Variants in MAEA observed in about 807,000 individuals in gnomAD.
MAEA encodes the protein macrophage erythroblast attacher, E3 ubiquitin ligase, also known as E3 ubiquitin-protein transferase MAEA.
In MAEA, 22 loss-of-function variants were observed where a neutral mutation model predicts 46.2. The ratio of observed to expected loss-of-function variants is 0.48; its 90% CI spans 0.34 to 0.68. MAEA has a LOEUF of 0.68. MAEA is among the 30% of genes least tolerant of loss of function. The pLI is 0.01. For missense variants in MAEA, 393 were observed against 558.1 expected, an observed-to-expected ratio of 0.70 and a Z score of 2.98; for synonymous variants, 246 against 222.6, an observed-to-expected ratio of 1.11 and a Z score of -0.94.
intron 1 of MAEA, among the ~76,000 whole-genome samples, chr4:1,295,241 G>A (rs1734521185): frequency 1.3e-5 from 2 of 152,124 alleles, no homozygotes; most frequent in African/African-American, 4.8e-5. Flanking sequence ...CCCAGGCATC[G>A]CAAAGCACAC....
intron 3 of MAEA, among the ~76,000 whole-genome samples, chr4:1,317,802 G>A (rs1434569407): frequency 6.6e-6 from 1 of 152,216 alleles, no homozygotes; most frequent in Non-Finnish European, 1.5e-5. Flanking sequence ...CGGGGCTGGT[G>A]CCCCTGGGTG....
rs548300956 is a variant in MAEA at position 1,291,036 on chromosome 4, G to T, written c.69+1054G>T. Among the ~76,000 whole-genome samples, 4 of 152,346 alleles carry T rather than the reference G, an allele frequency of 2.6e-5. No individual in the cohort carries two copies. In the East Asian group the frequency reaches 7.7e-4, roughly 29 times the overall value. ...GAGTGACCACGTATTGTTTCAAACA[G>T]TGCCTAGCATTCATTAAAAGGTCCC... On this transcript the variant is annotated intron_variant, in intron 1 of 8. Coordinates refer to ENST00000303400, the MANE Select transcript of MAEA (RefSeq NM_001017405.3).
chr4:1,293,736 G>C (rs1052905108), intron 1 of MAEA, among the ~76,000 whole-genome samples: 1 of 152,196 alleles, frequency 6.6e-6, no homozygotes, highest in African/African-American at 2.4e-5. Flanking sequence ...GAGAAACACC[G>C]GGCTTGTGGT....
chr4:1,330,299 C>T (rs1711520145), intron 5 of MAEA: 2 of 164,110 alleles, frequency 1.2e-5, no homozygotes, highest in African/African-American at 7.5e-5. Context: ...GGAATTTTGT[C>T]TTCTGGGTGT....
At chr4:1,328,832 C>T in intron 5 of MAEA, 1 of 1,045,838 alleles carries the variant, frequency 9.6e-7, no homozygotes. Context: ...CAGGCCTCGT[C>T]TTCACGCACG....
In MAEA at chr4:1,329,941, C is replaced by T. The variant is rs73793369; in HGVS notation, c.656+2238C>T. On this transcript the variant is annotated intron_variant, in intron 5 of 8. Coordinates refer to ENST00000303400, the MANE Select transcript of MAEA (RefSeq NM_001017405.3). ...CACGGTCCACATGGCGCTGGAGCGT[C>T]GGGCACCATCTACAGGGCTTGAGGC... 1.4e-3 allele frequency: 1,424 copies of T among 985,446 alleles called. 19 individuals are homozygous for T. The African/African-American group carries it at 0.022, about 15-fold the overall frequency. 61.0% of individuals were successfully genotyped at this position (985,446 alleles called of 1,614,324 possible).
Position 1,311,924 on chromosome 4 carries a change from C to A in MAEA, c.70-55C>A. On this transcript the variant is annotated intron_variant, in intron 1 of 8. Transcript: ENST00000303400. The surrounding 1 kb of genome is among the most constrained non-coding windows in gnomAD (Gnocchi z 4.4). ...GACCTGGTGTGTCCTGGGTGTGGGG[C>A]TGGTGGGGCTCACACCAGGGGAGCA... The A allele has an allele frequency of 6.6e-7, 1 of 1,520,994 alleles. No individual in the cohort carries two copies. The highest frequency in any genetic ancestry group is 9.0e-7 in the Non-Finnish European group (1 of 1,110,572). The allele number at this position is 1,520,994 out of a possible 1,614,324, so 94.2% of individuals were successfully genotyped here.
chr4:1,314,699 A>G (rs1736915565), intron 2 of MAEA, among the ~76,000 whole-genome samples: 1 of 152,244 alleles, frequency 6.6e-6, no homozygotes, highest in Non-Finnish European at 1.5e-5. Context: ...GTGGAACTGA[A>G]GAAAACAGAG....
chr4:1,303,429 CGAT>C (rs1441949324), intron 1 of MAEA, among the ~76,000 whole-genome samples: 1 of 149,126 alleles, frequency 6.7e-6, no homozygotes, highest in African/African-American at 2.5e-5. Context: ...ATGTCCTTCT[CGAT>C]AGCAGCCAAA....
chr4:1,332,847 G>C lies in MAEA; in HGVS notation c.747G>C (p.Thr249=). The C allele has an allele frequency of 6.2e-7, 1 of 1,612,746 alleles. No homozygotes were observed. The highest frequency in any genetic ancestry group is 8.5e-7 in the Non-Finnish European group (1 of 1,179,560). Reference sequence around the variant, plus strand: ...GCATGCTGGCCTTCCCGCCCGACACGCACATCTCCCCGTACAAGGTAGGGC... The same window carrying C: ...GCATGCTGGCCTTCCCGCCCGACACCCACATCTCCCCGTACAAGGTAGGGC... ...AMGMLAFPPD[T]HISPYKDLLD... Residue 249 remains threonine (T), a synonymous_variant, in exon 6 of 9, where the codon ACG becomes ACC. Transcript: ENST00000303400.
chr4:1,328,663 G>A (rs1418399915), intron 5 of MAEA: 2 of 1,279,314 alleles, frequency 1.6e-6, no homozygotes, highest in African/African-American at 3.1e-5. Context: ...TTCCACAGAA[G>A]GCCCATTTGG....
intron 1 of MAEA, among the ~76,000 whole-genome samples, chr4:1,296,872 C>T (rs1734785305): frequency 6.6e-6 from 1 of 152,146 alleles, no homozygotes; most frequent in Non-Finnish European, 1.5e-5. Flanking sequence ...CCCCTCGCTG[C>T]ATGTCCTCAC....
intron 2 of MAEA, among the ~76,000 whole-genome samples, chr4:1,313,022 G>T (rs1166860065): frequency 6.6e-6 from 1 of 152,216 alleles, no homozygotes; most frequent in African/African-American, 2.4e-5. Context: ...CCAAGCCTTG[G>T]AAAGTGGGGC....
chr4:1,313,300 A>C (rs1236736960), intron 2 of MAEA, among the ~76,000 whole-genome samples: 1 of 152,234 alleles, frequency 6.6e-6, no homozygotes, highest in Non-Finnish European at 1.5e-5. Context: ...AACGTCCAGC[A>C]CAGAGACAGC....
intron 4 of MAEA, among the ~76,000 whole-genome samples, chr4:1,327,135 C>G (rs1291484065): frequency 2.0e-5 from 3 of 152,382 alleles, no homozygotes; most frequent in African/African-American, 7.2e-5. Flanking sequence ...AGGACTTGCC[C>G]ACGTTCTCCC....
rs923475348 is a variant in MAEA, at chr4:1,315,656, A to G, written c.456+56A>G. The G allele has an allele frequency of 4.4e-6, 7 of 1,576,102 alleles. No individual in the cohort carries two copies. In the African/African-American group the frequency reaches 8.1e-5, roughly 18 times the overall value. ...CCCAGCTGGCCCCAGGCCTATGGCC[A>G]GCCGCCCTGTGGCATGTCCCCCGGC... On this transcript the variant is annotated intron_variant, in intron 3 of 8. Coordinates refer to ENST00000303400, the MANE Select transcript of MAEA (RefSeq NM_001017405.3).
chr4:1,332,768 A>G lies in MAEA; in HGVS notation c.668A>G (p.Lys223Arg), dbSNP rs1433932118. 1 of 1,611,744 alleles carries G rather than the reference A, an allele frequency of 6.2e-7. No homozygotes were observed. The highest frequency in any genetic ancestry group is 1.3e-5 in the African/African-American group (1 of 74,992). ...KRLDAVRHAR[K>R]HFSQAEGSQL... ...ATGTTGTTTTTTAGACATGCAAGAAAGCACTTCAGCCAAGCAGAAGGGAGC... is the reference window on the plus strand; with the variant it reads ...ATGTTGTTTTTTAGACATGCAAGAAGGCACTTCAGCCAAGCAGAAGGGAGC... The change falls in exon 6 of 9, where the codon AAG (lysine) becomes AGG (arginine). Residue 223 changes from lysine to arginine, a missense_variant. Coordinates refer to ENST00000303400, the MANE Select transcript of MAEA (RefSeq NM_001017405.3).
In MAEA at chr4:1,327,673, T is replaced by C; in HGVS notation, c.626T>C (p.Ile209Thr). 1 of 1,613,950 alleles carries C rather than the reference T, an allele frequency of 6.2e-7. No homozygotes were observed. Among genetic ancestry groups the C allele is most frequent in the South Asian group, 1.1e-5 (1 of 91,084 alleles). The change falls in exon 5 of 9, where the codon ATC becomes ACC. Residue 209 changes from isoleucine to threonine, a missense_variant. Ile to Thr is a moderately conservative substitution (Grantham distance 89, BLOSUM62 -1). Around this residue, in one of 2 missense-constraint regions of MAEA, gnomAD observed 358 missense variants for 537.9 expected, o/e 0.67. Coordinates refer to ENST00000303400, the MANE Select transcript of MAEA (RefSeq NM_001017405.3). ...AGAATCCAGGAGTTCATTGAACTCA[T>C]CCGGCAGAATAAGAGACTGGACGCT... ...SLRIQEFIEL[I>T]RQNKRLDAVR...
At chr4:1,295,799 C>T (rs1427884749) in intron 1 of MAEA, among the ~76,000 whole-genome samples, 1 of 97,312 alleles carries the variant, frequency 1.0e-5, no homozygotes, top group African/African-American at 4.4e-5. Context: ...GCCCCCCTCC[C>T]CAGCGCCTGT....
Sources: allele counts gnomAD v4.1 joint callset (sites outside exome capture counted in the v4.1 genomes callset), GRCh38; gene constraint gnomAD v4.1.1; regional missense constraint gnomAD v4.1.1; non-coding constraint Gnocchi (gnomAD v3.1); transcripts MANE v1.5; gene names NCBI Gene and HGNC (gene_info 2026-07-23, HGNC 2026-07-21).